Variants in ARL15 observed in about 807,000 individuals in gnomAD.
ARL15 encodes the protein ADP-ribosylation factor-like protein 15.
ARL15 carries 19 observed loss-of-function variants against 25.2 expected under a neutral mutation model. That is an observed-to-expected ratio of 0.75 (90% confidence interval 0.53 to 1.10). ARL15 has a LOEUF of 1.10. Ranked by LOEUF, ARL15 falls within the 50% of genes least tolerant of loss-of-function variation. The pLI is 0.00. For missense variants in ARL15, 220 were observed against 246.0 expected, an observed-to-expected ratio of 0.89 and a Z score of 0.71; for synonymous variants, 94 against 86.8, an observed-to-expected ratio of 1.08 and a Z score of -0.46.
intron 4 of ARL15, among the ~76,000 whole-genome samples, chr5:53,906,498 CAT>C (rs1284453016): frequency 6.6e-6 from 1 of 152,148 alleles, no homozygotes; most frequent in Non-Finnish European, 1.5e-5. Context: ...AAGTTCTGCA[CAT>C]GAGGTGGAGG....
chr5:54,107,898 A>G (rs1752635016), intron 4 of ARL15, among the ~76,000 whole-genome samples: 1 of 152,132 alleles, frequency 6.6e-6, no homozygotes, highest in African/African-American at 2.4e-5. Flanking sequence ...GACAAGGCAC[A>G]CTTTAATCAT....
At position 54,248,919 on chromosome 5, in the gene ARL15, A is replaced by G. The variant is rs33280; in HGVS notation, c.48+61513T>C. Among the ~76,000 whole-genome samples the G allele has an allele frequency of 3.9e-5, 6 of 152,234 alleles. No individual in the cohort carries two copies. In the East Asian group the frequency reaches 1.2e-3, roughly 29 times the overall value. On this transcript the variant is annotated intron_variant, in intron 1 of 4. Coordinates refer to ENST00000504924, the MANE Select transcript of ARL15 (RefSeq NM_019087.3). ...TGGTAATACTTAAAAAACCAGACTG[A>G]CGGCTGGGTGTGGTGGCTCACGCCT... is the stretch of plus-strand genomic sequence containing the variant.
chr5:54,153,442 A>G (rs572246518), intron 3 of ARL15, among the ~76,000 whole-genome samples: 1 of 152,300 alleles, frequency 6.6e-6, no homozygotes, highest in African/African-American at 2.4e-5. Context: ...TCTTAAAAGT[A>G]CAATTATAAT....
chr5:54,172,281 G>A (rs1754742642), intron 1 of ARL15, among the ~76,000 whole-genome samples: 1 of 152,054 alleles, frequency 6.6e-6, no homozygotes, highest in South Asian at 2.1e-4. Flanking sequence ...ATTCCATAAG[G>A]CAACTGGCCT....
chr5:54,298,708 G>A (rs1048670300), intron 1 of ARL15, among the ~76,000 whole-genome samples: 7 of 151,976 alleles, frequency 4.6e-5, no homozygotes, highest in East Asian at 3.9e-4. Context: ...CCACTGACAC[G>A]AATTCAGTGG....
At chr5:54,130,505 A>C (rs1055248780) in intron 3 of ARL15, among the ~76,000 whole-genome samples, 3 of 152,230 alleles carry the variant, frequency 2.0e-5, no homozygotes, top group Non-Finnish European at 4.4e-5. Flanking sequence ...AAAAGTTAAC[A>C]ATGTAATTTA....
chr5:54,184,465 A>C (rs1579886249), intron 1 of ARL15, among the ~76,000 whole-genome samples: 1 of 133,436 alleles, frequency 7.5e-6, no homozygotes, highest in African/African-American at 2.9e-5. Flanking sequence ...AAAAAAAAAA[A>C]AAAAAGAGAG....
Position 53,991,563 on chromosome 5 carries a change from G to GAAAAAAAAAA in ARL15, c.463-104851_463-104850insTTTTTTTTTT, listed in dbSNP as rs771075344. Among the ~76,000 whole-genome samples the GAAAAAAAAAA allele has an allele frequency of 1.3e-4, 17 of 127,904 alleles. 1 individual carries two copies. Among genetic ancestry groups the GAAAAAAAAAA allele is most frequent in the African/African-American group, 2.6e-4 (9 of 34,180 alleles). 83.9% of individuals were successfully genotyped at this position (127,904 alleles called of 152,430 possible). A position where few individuals can be genotyped will look rare whatever the true frequency, so the allele number is the denominator to read the frequency against. ...ATCTCAAAAAAAAAAAAAAAAAAAG[G>GAAAAAAAAAA]GGGGGCGGGGGGCAATTGAAGCAAT... On this transcript the variant is annotated intron_variant, in intron 4 of 4. Transcript: ENST00000504924.
intron 3 of ARL15, among the ~76,000 whole-genome samples, chr5:54,153,253 T>C (rs1754124598): frequency 6.6e-6 from 1 of 152,212 alleles, no homozygotes; most frequent in Admixed American, 6.5e-5. Flanking sequence ...CTGGAAATTT[T>C]AAATAGGAGA....
chr5:53,905,488 A>G (rs1745219358), intron 4 of ARL15, among the ~76,000 whole-genome samples: 3 of 152,290 alleles, frequency 2.0e-5, no homozygotes, highest in South Asian at 4.1e-4. Context: ...AACTTATTCC[A>G]ATTTTCTAGA....
At chr5:54,250,026 G>A (rs1458314040) in intron 1 of ARL15, among the ~76,000 whole-genome samples, 2 of 152,148 alleles carry the variant, frequency 1.3e-5, no homozygotes, top group African/African-American at 2.4e-5. Flanking sequence ...GGTTTAATTG[G>A]CTCACAGTTC....
intron 4 of ARL15, among the ~76,000 whole-genome samples, chr5:53,936,264 T>G (rs1345345336): frequency 1.3e-5 from 2 of 152,224 alleles, no homozygotes; most frequent in African/African-American, 4.8e-5. Flanking sequence ...TCGTACTTTA[T>G]GTTTTTTGTG....
At chr5:53,982,493 T>C (rs548054553) in intron 4 of ARL15, among the ~76,000 whole-genome samples, 1 of 152,282 alleles carries the variant, frequency 6.6e-6, no homozygotes, top group Admixed American at 6.5e-5. Flanking sequence ...GCTTCATCCA[T>C]GTCCCTGCAA....
At chr5:54,104,532 T>C (rs1234273543) in intron 4 of ARL15, among the ~76,000 whole-genome samples, 8 of 152,176 alleles carry the variant, frequency 5.3e-5, no homozygotes, top group Non-Finnish European at 1.5e-5. Context: ...GATATTCTTA[T>C]TGGGGTTAAT....
In ARL15 at chr5:53,886,703, T is replaced by C; in HGVS notation, c.473A>G (p.Tyr158Cys). ...ACGTGCAAGTGGTTCAAGTTCAAAA[T>C]ATTTTTTGATCTTAAGAGGAAAAAA... ...AARSVQEIKK[Y>C]FELEPLARGK... The change falls in exon 5 of 5, where the codon TAT (tyrosine) becomes TGT (cysteine). Residue 158 changes from tyrosine to cysteine, a missense_variant. Physicochemically the swap from Tyr to Cys is radical, Grantham distance 194. Coordinates refer to ENST00000504924, the MANE Select transcript of ARL15 (RefSeq NM_019087.3). 6.4e-7 allele frequency: 1 copy of C among 1,552,744 alleles called. No homozygotes were observed. Among genetic ancestry groups the C allele is most frequent in the Non-Finnish European group, 8.7e-7 (1 of 1,150,342 alleles).
chr5:54,145,992 G>C (rs1456683700), intron 3 of ARL15, among the ~76,000 whole-genome samples: 1 of 152,040 alleles, frequency 6.6e-6, no homozygotes, highest in African/African-American at 2.4e-5. Context: ...CCTCTGTGAA[G>C]TCTCCTTTCT....
intron 1 of ARL15, among the ~76,000 whole-genome samples, chr5:54,205,126 GTTGCACAC>G (rs1197317610): frequency 1.3e-5 from 2 of 151,854 alleles, no homozygotes; most frequent in Admixed American, 6.6e-5. Context: ...CAACTCCTTG[GTTGCACAC>G]TCCTCAAAAA....
chr5:54,029,320 C>CAA (rs1561194967), intron 4 of ARL15, among the ~76,000 whole-genome samples: 2 of 115,766 alleles, frequency 1.7e-5, no homozygotes, highest in Admixed American at 8.7e-5. Flanking sequence ...ACCACCACCA[C>CAA]CACCACCACC....
intron 4 of ARL15, among the ~76,000 whole-genome samples, chr5:54,051,410 C>G (rs1221108208): frequency 2.0e-5 from 3 of 152,174 alleles, no homozygotes; most frequent in Admixed American, 6.5e-5. Context: ...CTTCCTGTTC[C>G]TTTGCTTTAA....
Sources: allele counts gnomAD v4.1 joint callset (sites outside exome capture counted in the v4.1 genomes callset), GRCh38; gene constraint gnomAD v4.1.1; transcripts MANE v1.5; gene names NCBI Gene and HGNC (gene_info 2026-07-23, HGNC 2026-07-21).